The following NKAIN2 variants were observed in gnomAD, a reference collection of about 807,000 sequenced individuals.
NKAIN2 encodes sodium/potassium transporting ATPase interacting 2.
Under a neutral mutation model 32.6 loss-of-function variants are expected in NKAIN2, and 14 were observed. The observed-to-expected ratio is 0.43, with a 90% CI of 0.28 to 0.67. The LOEUF (loss-of-function observed/expected upper bound fraction) is 0.67. NKAIN2 is among the 30% of genes least tolerant of loss of function. The pLI, the probability that NKAIN2 is intolerant of heterozygous loss-of-function variation, is 0.17. For synonymous variants in NKAIN2, 80 were observed against 87.2 expected, an observed-to-expected ratio of 0.92 and a Z score of 0.46; for missense variants, 198 against 258.3, an observed-to-expected ratio of 0.77 and a Z score of 1.60.
At chr6:124,080,680 C>G (rs62435622) in intron 1 of NKAIN2, among the ~76,000 whole-genome samples, 7,539 of 152,078 alleles carry the variant, frequency 0.05, 260 homozygotes, top group Middle Eastern at 0.085. Context: ...AACTTTATGG[C>G]CCTCCCTGAT....
chr6:124,098,621 AG>A (rs1784744659), intron 1 of NKAIN2, among the ~76,000 whole-genome samples: 1 of 152,288 alleles, frequency 6.6e-6, no homozygotes, highest in South Asian at 2.1e-4. Flanking sequence ...CTGTAATCCC[AG>A]CACTTTGGGA....
At chr6:123,943,966 A>G (rs1395968683) in intron 1 of NKAIN2, among the ~76,000 whole-genome samples, 3 of 152,092 alleles carry the variant, frequency 2.0e-5, no homozygotes, top group Non-Finnish European at 4.4e-5. Context: ...TACCAATCAT[A>G]TATCCTTGAG....
At chr6:124,010,073 G>A (rs1780254990) in intron 1 of NKAIN2, among the ~76,000 whole-genome samples, 2 of 152,140 alleles carry the variant, frequency 1.3e-5, no homozygotes, top group South Asian at 4.2e-4. Flanking sequence ...CTCTTACAGG[G>A]CCCCAAGTCC....
intron 3 of NKAIN2, among the ~76,000 whole-genome samples, chr6:124,409,667 T>C (rs1342534755): frequency 1.3e-5 from 2 of 152,194 alleles, no homozygotes; most frequent in African/African-American, 4.8e-5. Flanking sequence ...TTTCTTGTTG[T>C]GTCTCTGCTA....
chr6:124,546,676 C>G (rs1055870548), intron 3 of NKAIN2, among the ~76,000 whole-genome samples: 1 of 151,964 alleles, frequency 6.6e-6, no homozygotes, highest in Non-Finnish European at 1.5e-5. Context: ...ATATGCTTCC[C>G]CCTCAAGAAA....
At chr6:124,413,602 G>A (rs1011118562) in intron 3 of NKAIN2, among the ~76,000 whole-genome samples, 4 of 152,154 alleles carry the variant, frequency 2.6e-5, no homozygotes, top group Non-Finnish European at 4.4e-5. Context: ...CTGGGATTGG[G>A]ATAGGGATTG....
intron 3 of NKAIN2, among the ~76,000 whole-genome samples, chr6:124,545,207 T>C (rs1325271029): frequency 6.6e-6 from 1 of 152,206 alleles, no homozygotes; most frequent in Non-Finnish European, 1.5e-5. Flanking sequence ...AATAGCTTAA[T>C]TTTAAGTCAT....
At chr6:123,944,180 AGTTTCT>A (rs1776960963) in intron 1 of NKAIN2, among the ~76,000 whole-genome samples, 1 of 151,988 alleles carries the variant, frequency 6.6e-6, no homozygotes, top group Non-Finnish European at 1.5e-5. Context: ...TGCCTTTCTT[AGTTTCT>A]GATGCAAGCA....
intron 1 of NKAIN2, among the ~76,000 whole-genome samples, chr6:123,982,331 C>T (rs766368418): frequency 1.3e-5 from 2 of 152,074 alleles, no homozygotes; most frequent in Non-Finnish European, 2.9e-5. Context: ...GCAAAGAGGG[C>T]AAGGCTTCTT....
rs371546651 is a variant in NKAIN2 at position 124,722,262 on chromosome 6, A to C, written c.474+63876A>C. 1.2e-4 allele frequency among the ~76,000 whole-genome samples: 18 copies of C among 152,364 alleles called. 1 individual carries two copies. The East Asian group carries it at 2.1e-3, about 18-fold the overall frequency. On this transcript the variant is annotated intron_variant, in intron 4 of 6. Coordinates refer to ENST00000368417, the MANE Select transcript of NKAIN2 (RefSeq NM_001040214.3). The stretch of plus-strand genomic sequence containing the variant: ...CTTTCACCTTTTGGCTATTGTGAAT[A>C]ATGCTTCTATGAACATGGGTTCAAA...
chr6:124,727,407 A>G, intron 4 of NKAIN2, among the ~76,000 whole-genome samples: 1 of 151,602 alleles, frequency 6.6e-6, no homozygotes, highest in African/African-American at 2.4e-5. Flanking sequence ...AATATTCAAC[A>G]TTCTTAAAGA....
At chr6:124,094,871 A>G (rs1784585808) in intron 1 of NKAIN2, among the ~76,000 whole-genome samples, 1 of 151,850 alleles carries the variant, frequency 6.6e-6, no homozygotes, top group Admixed American at 6.6e-5. Context: ...TATGACCAAT[A>G]TCTTTATTAT....
In NKAIN2 at chr6:124,251,416, CAGA is replaced by C. The variant is rs1346363254; in HGVS notation, c.55-31583_55-31581del. Among the ~76,000 whole-genome samples the C allele has an allele frequency of 4.6e-5, 7 of 151,842 alleles. No homozygotes were observed. The East Asian group carries it at 7.7e-4, about 17-fold the overall frequency. ...AAGAGAAGAAAAGACATGTCAAGCC[CAGA>C]AGAAGTTATTTCAACAACATAATGA... On this transcript the variant is annotated intron_variant, in intron 1 of 6. Coordinates refer to ENST00000368417, the MANE Select transcript of NKAIN2 (RefSeq NM_001040214.3).
chr6:124,823,213 C>T lies in NKAIN2; in HGVS notation c.618-7C>T, dbSNP rs1235438689. 6.3e-7 allele frequency: 1 copy of T among 1,593,004 alleles called. No homozygotes were observed. Among genetic ancestry groups the T allele is most frequent in the Non-Finnish European group, 8.6e-7 (1 of 1,160,368 alleles). On this transcript the variant is annotated splice_polypyrimidine_tract_variant and splice_region_variant and intron_variant, in intron 6 of 6. Coordinates refer to ENST00000368417, the MANE Select transcript of NKAIN2 (RefSeq NM_001040214.3). ...CCTTGACTAAAAACATCTTTTCTCT[C>T]TCTCAGGTCAAAATAATACAGATGA... is the stretch of plus-strand genomic sequence containing the variant.
chr6:123,849,355 A>G (rs992841441), intron 1 of NKAIN2, among the ~76,000 whole-genome samples: 1 of 152,202 alleles, frequency 6.6e-6, no homozygotes, highest in East Asian at 1.9e-4. Flanking sequence ...GGAAGTAGAC[A>G]TGGAATGGCA....
chr6:124,431,300 T>C (rs1775207547), intron 3 of NKAIN2, among the ~76,000 whole-genome samples: 1 of 152,162 alleles, frequency 6.6e-6, no homozygotes, highest in Non-Finnish European at 1.5e-5. Context: ...GTAGACTTTC[T>C]ATTTATGCCT....
At chr6:123,990,431 C>A (rs1487518599) in intron 1 of NKAIN2, among the ~76,000 whole-genome samples, 1 of 152,130 alleles carries the variant, frequency 6.6e-6, no homozygotes, top group African/African-American at 2.4e-5. Context: ...TTGTTGACCT[C>A]AAAATGTTTT....
chr6:124,079,937 A>T (rs1416672328), intron 1 of NKAIN2, among the ~76,000 whole-genome samples: 1 of 150,984 alleles, frequency 6.6e-6, no homozygotes, highest in Non-Finnish European at 1.5e-5. Context: ...TGGCATTTGG[A>T]TGGAAAAAAA....
intron 3 of NKAIN2, among the ~76,000 whole-genome samples, chr6:124,476,387 A>G (rs1317960008): frequency 8.6e-6 from 1 of 116,944 alleles, no homozygotes; most frequent in African/African-American, 3.2e-5. Context: ...ATTCATATGT[A>G]TGTATGTGAC....
Sources: gnomAD v4.1 joint callset for allele counts (sites outside exome capture counted in the v4.1 genomes callset) on GRCh38, gnomAD v4.1.1 for gene constraint, MANE v1.5 for transcripts, NCBI Gene and HGNC (gene_info 2026-07-23, HGNC 2026-07-21) for gene names.